Variants in DDX1 observed in about 807,000 individuals in gnomAD.
DDX1 encodes DEAD-box helicase 1, also known as ATP-dependent RNA helicase DDX1.
A neutral mutation model predicts 108.7 loss-of-function variants in DDX1; 28 were observed. That is an observed-to-expected ratio of 0.26 (90% CI 0.19 to 0.35). DDX1 has a LOEUF of 0.35. DDX1 is among the 10% of genes least tolerant of loss of function. The pLI, the probability that DDX1 is intolerant of heterozygous loss-of-function variation, is 1.00. For synonymous variants in DDX1, 295 were observed against 288.9 expected (o/e 1.02, Z -0.21); for missense variants, 710 against 884.5 (o/e 0.80, Z 2.50).
chr2:15,607,600 T>G (rs1290307748), intron 13 of DDX1, among the ~76,000 whole-genome samples: 1 of 152,158 alleles, frequency 6.6e-6, no homozygotes, highest in Non-Finnish European at 1.5e-5. Flanking sequence ...TTGGTTTTTT[T>G]TCTGAGACCG....
At chr2:15,616,594 G>A (rs1665898132) in intron 14 of DDX1, among the ~76,000 whole-genome samples, 1 of 152,214 alleles carries the variant, frequency 6.6e-6, no homozygotes, top group Admixed American at 6.5e-5. Flanking sequence ...ATTGAATAGG[G>A]ATGATTATAG....
At chr2:15,594,575 G>A (rs928042672) in intron 1 of DDX1, among the ~76,000 whole-genome samples, 4 of 152,062 alleles carry the variant, frequency 2.6e-5, no homozygotes, top group East Asian at 1.9e-4. Flanking sequence ...AGGTGCCCAC[G>A]TTTTCACCAC....
Position 15,623,548 on chromosome 2 carries a change from T to C in DDX1, c.1560T>C (p.Asp520=). ...TCTGTAGAACCAAAATTGACTGTGA[T>C]AACTTGGAGCAGTACTTTATACAAC... The part of the protein sequence containing the change: ...IIFCRTKIDC[D]NLEQYFIQQG... The change falls in exon 19 of 26, where the codon GAT becomes GAC. Residue 520 remains aspartate, a synonymous_variant. Coordinates refer to ENST00000233084, the MANE Select transcript of DDX1 (RefSeq NM_004939.3). 1 of 1,613,618 alleles carries C rather than the reference T, an allele frequency of 6.2e-7. No individual in the cohort carries two copies.
intron 13 of DDX1, 86 bp from the exon 14 acceptor site, chr2:15,613,138 C>T: frequency 2.2e-6 from 2 of 895,328 alleles, no homozygotes; most frequent in Non-Finnish European, 3.3e-6. Context: ...TTAATTTCCA[C>T]CTAAAATAAA....
intron 13 of DDX1, among the ~76,000 whole-genome samples, chr2:15,609,721 A>C (rs935634794): frequency 1.3e-5 from 2 of 150,466 alleles, no homozygotes; most frequent in African/African-American, 5.0e-5. Context: ...TCTGATTATA[A>C]ATGTGGATAA....
chr2:15,616,650 A>T (rs1231901896), intron 14 of DDX1, among the ~76,000 whole-genome samples: 2 of 152,252 alleles, frequency 1.3e-5, no homozygotes, highest in Non-Finnish European at 1.5e-5. Context: ...TGTACTTGTA[A>T]AACATTTTGC....
chr2:15,630,771 T>C lies in DDX1; in HGVS notation c.2093-5T>C. 6.2e-7 allele frequency: 1 copy of C among 1,611,318 alleles called. No homozygotes were observed. Among genetic ancestry groups the C allele is most frequent in the Non-Finnish European group, 8.5e-7 (1 of 1,177,940 alleles). On this transcript the variant is annotated splice_region_variant and splice_polypyrimidine_tract_variant and intron_variant, in intron 25 of 25. Transcript: ENST00000233084. Reference sequence around the variant, plus strand: ...ACATTACTTTGTTATTTGTGTGTGATGCAGGTGGAAGCTATAAAGGCCATG... The same window carrying C: ...ACATTACTTTGTTATTTGTGTGTGACGCAGGTGGAAGCTATAAAGGCCATG...
At chr2:15,602,482 G>T (rs1665602697) in intron 6 of DDX1, 66 bp from the exon 7 acceptor site, 3 of 1,120,250 alleles carry the variant, frequency 2.7e-6, no homozygotes, top group Non-Finnish European at 2.7e-6. Flanking sequence ...GGTGGTAGGG[G>T]GTGGGAATGT....
At chr2:15,616,997 A>G (rs1374591553) in intron 14 of DDX1, among the ~76,000 whole-genome samples, 1 of 152,164 alleles carries the variant, frequency 6.6e-6, no homozygotes, top group Non-Finnish European at 1.5e-5. Context: ...AATTTTATGC[A>G]TTAGAATGTA....
At chr2:15,598,615 A>G (rs1297471531) in intron 5 of DDX1, among the ~76,000 whole-genome samples, 1 of 152,216 alleles carries the variant, frequency 6.6e-6, no homozygotes, top group Non-Finnish European at 1.5e-5. Context: ...TGTTTAACTT[A>G]AAGTACTTCC....
chr2:15,605,383 G>C (rs1226433144), intron 10 of DDX1, among the ~76,000 whole-genome samples: 1 of 152,150 alleles, frequency 6.6e-6, no homozygotes, highest in African/African-American at 2.4e-5. Context: ...TCCTGGTGAA[G>C]GAAGTGTTTG....
intron 13 of DDX1, among the ~76,000 whole-genome samples, chr2:15,608,786 C>T (rs1408156128): frequency 1.3e-5 from 2 of 150,784 alleles, no homozygotes; most frequent in South Asian, 2.1e-4. Flanking sequence ...GGAATTCTCT[C>T]TCTTGCCTCA....
intron 13 of DDX1, 27 bp from the exon 14 acceptor site, chr2:15,613,197 A>C: frequency 7.2e-7 from 1 of 1,379,776 alleles, no homozygotes; most frequent in Admixed American, 2.3e-5. Flanking sequence ...TTTTTTTTTT[A>C]TATTATCATC....
intron 5 of DDX1, among the ~76,000 whole-genome samples, chr2:15,598,833 A>G (rs1306017750): frequency 2.0e-5 from 3 of 152,242 alleles, no homozygotes; most frequent in African/African-American, 7.2e-5. Context: ...TTAACAAACT[A>G]TCAAGATGTG....
At chr2:15,611,479 C>A (rs1422359100) in intron 13 of DDX1, among the ~76,000 whole-genome samples, 6 of 143,144 alleles carry the variant, frequency 4.2e-5, no homozygotes, top group African/African-American at 1.4e-4. Flanking sequence ...AGGCTCCCCC[C>A]ACCTCCCGGA....
In DDX1 at chr2:15,605,997, C is replaced by A. The variant is rs1665655161; in HGVS notation, c.673C>A (p.Gln225Lys). 6.3e-7 allele frequency: 1 copy of A among 1,585,878 alleles called. No homozygotes were observed. The highest frequency in any genetic ancestry group is 1.2e-5 in the South Asian group (1 of 84,862). The change falls in exon 11 of 26, where the codon CAA becomes AAA. Residue 225 changes from glutamine to lysine, a missense_variant. Coordinates refer to ENST00000233084, the MANE Select transcript of DDX1 (RefSeq NM_004939.3). ...TGAAATACCACCACATATGAAAAAC[C>A]AAGCCCTCTTTCCTGCCTGTGTTTT... ...AFEIPPHMKNQALFPACVLKN... is the reference protein window; with the variant it reads ...AFEIPPHMKNKALFPACVLKN...
rs778246765 is a variant in DDX1, at chr2:15,630,791, G to A, written c.2108G>A (p.Gly703Asp). 8 of 1,613,798 alleles carry A rather than the reference G, an allele frequency of 5.0e-6. No homozygotes were observed. The highest frequency in any genetic ancestry group is 6.8e-6 in the Non-Finnish European group (8 of 1,179,776). ...TGTGATGCAGGTGGAAGCTATAAAG[G>A]CCATGTGGATATTTTGGCACCTACT... is the stretch of plus-strand genomic sequence containing the variant. Reference protein sequence around the residue: ...KRAAGGGSYKGHVDILAPTVQ... With the variant: ...KRAAGGGSYKDHVDILAPTVQ... Residue 703 changes from glycine to aspartate, a missense_variant, in exon 26 of 26, where the codon GGC becomes GAC. Gly to Asp is a moderately conservative substitution (Grantham distance 94). Transcript: ENST00000233084.
intron 20 of DDX1, 35 bp from the exon 21 acceptor site, chr2:15,628,410 A>G (rs1380922556): frequency 6.6e-7 from 1 of 1,516,816 alleles, no homozygotes; most frequent in Non-Finnish European, 9.1e-7. Flanking sequence ...TATATGTGCT[A>G]ACAAACTCCT....
At chr2:15,607,772 C>A (rs999055882) in intron 13 of DDX1, among the ~76,000 whole-genome samples, 2 of 152,126 alleles carry the variant, frequency 1.3e-5, no homozygotes, top group African/African-American at 4.8e-5. Flanking sequence ...TTAGGCTAGT[C>A]TCAAACTCCT....
Sources: gnomAD v4.1 joint callset for allele counts (sites outside exome capture counted in the v4.1 genomes callset) on GRCh38, gnomAD v4.1.1 for gene constraint, MANE v1.5 for transcripts, NCBI Gene and HGNC (gene_info 2026-07-23, HGNC 2026-07-21) for gene names.